The following INPP4A variants were observed in gnomAD, a reference collection of about 807,000 sequenced individuals.
INPP4A encodes inositol polyphosphate-4-phosphatase type I A.
Under a neutral mutation model 119.8 loss-of-function variants are expected in INPP4A, and 33 were observed. That is an observed-to-expected ratio of 0.28 (90% CI 0.21 to 0.37). The LOEUF (loss-of-function observed/expected upper bound fraction) is 0.37, where lower values mean the gene tolerates loss of function less well. INPP4A is among the 10% of genes least tolerant of loss of function. The pLI, the probability that INPP4A is intolerant of heterozygous loss-of-function variation, is 1.00. For missense variants in INPP4A, 956 were observed against 1,289.9 expected, an observed-to-expected ratio of 0.74 and a Z score of 3.97; for synonymous variants, 496 against 500.7, an observed-to-expected ratio of 0.99 and a Z score of 0.12.
chr2:98,514,721 G>C lies in INPP4A; in HGVS notation c.-165-4243G>C, dbSNP rs574775057. Among the ~76,000 whole-genome samples, 8 of 152,274 alleles carry C rather than the reference G, an allele frequency of 5.3e-5. No homozygotes were observed. In the South Asian group the frequency reaches 1.7e-3, roughly 32 times the overall value. On this transcript the variant is annotated intron_variant, in intron 1 of 24. Coordinates refer to ENST00000409851, the MANE Select transcript of INPP4A (RefSeq NM_001134225.2). The stretch of plus-strand genomic sequence containing the variant: ...GCTTGAAGTCAGGAGTTTGAGACCA[G>C]CCTGGGCAACATAGTGAGACCTCAT...
chr2:98,572,787 A>G, intron 22 of INPP4A, 28 bp from the exon 23 acceptor site: 1 of 1,500,136 alleles, frequency 6.7e-7, no homozygotes, highest in Non-Finnish European at 9.0e-7. Flanking sequence ...TGCGTCACCC[A>G]CTCCCACGAA....
At chr2:98,484,359 C>G (rs1679117436) in intron 1 of INPP4A, among the ~76,000 whole-genome samples, 1 of 152,322 alleles carries the variant, frequency 6.6e-6, no homozygotes, top group East Asian at 1.9e-4. Flanking sequence ...TCCTCCCTGT[C>G]AGGCTCACTG....
intron 1 of INPP4A, among the ~76,000 whole-genome samples, chr2:98,464,133 T>C (rs762567725): frequency 6.6e-6 from 1 of 152,204 alleles, no homozygotes; most frequent in Non-Finnish European, 1.5e-5. Context: ...TCTTTGTGGC[T>C]GAGGGCTGCT....
chr2:98,584,310 C>T (rs758276980), intron 24 of INPP4A, among the ~76,000 whole-genome samples: 4 of 152,258 alleles, frequency 2.6e-5, no homozygotes, highest in Admixed American at 6.5e-5. Flanking sequence ...CCTGGTCCTG[C>T]TCCTGGTAAC....
At chr2:98,458,660 A>G (rs1199405915) in intron 1 of INPP4A, among the ~76,000 whole-genome samples, 1 of 152,076 alleles carries the variant, frequency 6.6e-6, no homozygotes, top group Non-Finnish European at 1.5e-5. Context: ...TTGCTTTCCC[A>G]TTCTGCTGGT....
At chr2:98,458,054 A>G (rs1269205534) in intron 1 of INPP4A, among the ~76,000 whole-genome samples, 1 of 151,612 alleles carries the variant, frequency 6.6e-6, no homozygotes, top group Admixed American at 6.6e-5. Context: ...CCTGGCCTCA[A>G]ATGATCCTCC....
intron 4 of INPP4A, among the ~76,000 whole-genome samples, chr2:98,532,455 A>G (rs1421832781): frequency 6.6e-6 from 1 of 152,200 alleles, no homozygotes; most frequent in Non-Finnish European, 1.5e-5. Context: ...ATTTTTAAGT[A>G]TACAGTTTGG....
rs776893699 is a variant in INPP4A, at chr2:98,555,628, C to T, written c.1642C>T (p.Arg548Trp). The T allele has an allele frequency of 2.7e-5, 43 of 1,607,950 alleles. No homozygotes were observed. Among genetic ancestry groups the T allele is most frequent in the African/African-American group, 4.0e-5 (3 of 74,864 alleles). ...QRVDKLLQKE[R>W]LHGEGCEDVF... ...TGTGGACAAGCTGCTGCAGAAGGAGCGGCTGCATGGCGAGGGCTGTGAGGA... is the reference window on the plus strand; with the variant it reads ...TGTGGACAAGCTGCTGCAGAAGGAGTGGCTGCATGGCGAGGGCTGTGAGGA... Residue 548 changes from arginine (R) to tryptophan (W), a missense_variant, in exon 16 of 25, where the codon CGG (arginine) becomes TGG (tryptophan). Physicochemically the swap from Arg to Trp is moderately radical, Grantham distance 101. Transcript: ENST00000409851.
rs746892110 is a variant in INPP4A at position 98,545,168 on chromosome 2, G to A, written c.950-801G>A. ...GAGCAGTCTCCTATGGCAAATTGGA[G>A]AACACAGTAGCTGGTCTGTGATTCA... On this transcript the variant is annotated intron_variant, in intron 11 of 24. Transcript: ENST00000409851. Among the ~76,000 whole-genome samples the A allele has an allele frequency of 6.3e-4, 96 of 152,304 alleles. No individual in the cohort carries two copies. In the Middle Eastern group the frequency reaches 0.027, roughly 43 times the overall value.
chr2:98,553,479 A>G (rs1575056188), intron 14 of INPP4A, among the ~76,000 whole-genome samples: 1 of 152,144 alleles, frequency 6.6e-6, no homozygotes, highest in Non-Finnish European at 1.5e-5. Context: ...GGAAGTGGCT[A>G]TTATCAGACC....
At chr2:98,508,995 A>G (rs1684627491) in intron 1 of INPP4A, among the ~76,000 whole-genome samples, 2 of 152,186 alleles carry the variant, frequency 1.3e-5, no homozygotes, top group Non-Finnish European at 2.9e-5. Flanking sequence ...TGCAGAACCC[A>G]GGGGTGCCGC....
Position 98,496,521 on chromosome 2 carries a change from A to C in INPP4A, c.-165-22443A>C, listed in dbSNP as rs544140178. ...AGGCAACAAAAGCAAAAATAGAAAA[A>C]TGGCATTACATTAAGCTAAAAAGCT... On this transcript the variant is annotated intron_variant, in intron 1 of 24. Coordinates refer to ENST00000409851, the MANE Select transcript of INPP4A (RefSeq NM_001134225.2). 3.9e-3 allele frequency among the ~76,000 whole-genome samples: 601 copies of C among 152,330 alleles called. 3 individuals are homozygous for C. The highest frequency in any genetic ancestry group is 6.6e-3 in the Non-Finnish European group (446 of 68,026).
chr2:98,568,545 A>C, intron 21 of INPP4A, 26 bp from the exon 22 acceptor site: 1 of 1,263,122 alleles, frequency 7.9e-7, no homozygotes, highest in East Asian at 2.4e-5. Context: ...TTAGCCAACT[A>C]ATGGCATCCC....
chr2:98,448,933 A>G (rs1403541108), intron 1 of INPP4A, among the ~76,000 whole-genome samples: 1 of 151,384 alleles, frequency 6.6e-6, no homozygotes, highest in Non-Finnish European at 1.5e-5. Context: ...TCAGACTCCT[A>G]CTCTCGCCAT....
chr2:98,541,070 G>A (rs1691335142), intron 10 of INPP4A, among the ~76,000 whole-genome samples: 1 of 152,230 alleles, frequency 6.6e-6, no homozygotes, highest in Non-Finnish European at 1.5e-5. Context: ...GCTCACGCCT[G>A]TAATCCCAGC....
intron 1 of INPP4A, among the ~76,000 whole-genome samples, chr2:98,479,010 T>C (rs1399784731): frequency 6.6e-6 from 1 of 152,174 alleles, no homozygotes; most frequent in Non-Finnish European, 1.5e-5. Context: ...TCAATGCAGA[T>C]ACTGGGCCCT....
intron 24 of INPP4A, chr2:98,581,549 TTCTC>T: frequency 7.4e-6 from 11 of 1,494,614 alleles, no homozygotes; most frequent in Non-Finnish European, 9.7e-6. Flanking sequence ...TCCTTTTTCT[TTCTC>T]CCAAACTTTT....
rs1384780545 is a variant in INPP4A, at chr2:98,536,109, C to T, written c.388-20C>T. On this transcript the variant is annotated intron_variant, in intron 6 of 24. Transcript: ENST00000409851. ...CAAAGCAAGCGCACCAATGCTGCCT[C>T]TCTTCCTTCTCTTCCTCAGATGTAT... The T allele has an allele frequency of 6.5e-7, 1 of 1,546,202 alleles. No homozygotes were observed. The highest frequency in any genetic ancestry group is 8.9e-7 in the Non-Finnish European group (1 of 1,119,890).
intron 1 of INPP4A, among the ~76,000 whole-genome samples, chr2:98,494,004 T>A (rs1017173486): frequency 1.3e-5 from 2 of 152,174 alleles, no homozygotes; most frequent in Non-Finnish European, 2.9e-5. Context: ...ATACAGCACA[T>A]GAAGAAACAT....
Sources: gnomAD v4.1 joint callset for allele counts (sites outside exome capture counted in the v4.1 genomes callset) on GRCh38, gnomAD v4.1.1 for gene constraint, MANE v1.5 for transcripts, NCBI Gene and HGNC (gene_info 2026-07-23, HGNC 2026-07-21) for gene names.